The following PLG variants were observed in gnomAD, a reference collection of about 807,000 sequenced individuals.
PLG encodes plasminogen.
A neutral mutation model predicts 104.4 loss-of-function variants in PLG; 41 were observed. That is an observed-to-expected ratio of 0.39 (90% CI 0.31 to 0.51). The LOEUF (loss-of-function observed/expected upper bound fraction) is 0.51. Ranked by LOEUF, PLG falls within the 20% of genes least tolerant of loss-of-function variation. PLG has a pLI of 0.76. For synonymous variants in PLG, 337 were observed against 357.1 expected, an observed-to-expected ratio of 0.94 and a Z score of 0.63; for missense variants, 891 against 1,003.6, an observed-to-expected ratio of 0.89 and a Z score of 1.52.
chr6:160,731,809 A>T lies in PLG; in HGVS notation c.1503A>T (p.Pro501=), dbSNP rs150227219. 7 of 1,613,800 alleles carry T rather than the reference A, an allele frequency of 4.3e-6. No homozygotes were observed. Among genetic ancestry groups the T allele is most frequent in the Non-Finnish European group, 5.9e-6 (7 of 1,179,794 alleles). Residue 501 remains proline (P), a synonymous_variant, in exon 12 of 19, where the codon CCA becomes CCT. Coordinates refer to ENST00000308192, the MANE Select transcript of PLG (RefSeq NM_000301.5). The surrounding 1 kb of genome is among the most constrained non-coding windows in gnomAD (Gnocchi z 5.1). The part of the protein sequence containing the change: ...GKRATTVTGT[P]CQDWAAQEPH... ...GGGCGACCACTGTTACTGGGACGCC[A>T]TGCCAGGACTGGGCTGCCCAGGAGC...
In PLG at chr6:160,726,687, C is replaced by G. The variant is rs147765797; in HGVS notation, c.1256+4120C>G. ...CATAATGTTTGATCACATTATCTCT[C>G]TGATGGCTAATAAAATGTGTGATTG... On this transcript the variant is annotated intron_variant, in intron 10 of 18. Transcript: ENST00000308192. This position sits in a 1 kb window ranked among gnomAD's most constrained non-coding sequence, Gnocchi z 4.4. Among the ~76,000 whole-genome samples, 1 of 152,064 alleles carries G rather than the reference C, an allele frequency of 6.6e-6. No homozygotes were observed. The highest frequency in any genetic ancestry group is 1.9e-4 in the East Asian group (1 of 5,172).
chr6:160,713,398 T>G, intron 5 of PLG: 1 of 390,772 alleles, frequency 2.6e-6, no homozygotes, highest in Non-Finnish European at 4.9e-6. Context: ...GCCTCCCAAG[T>G]AGCTGGGATT....
At chr6:160,713,361 C>G (rs960005918) in intron 5 of PLG, 8 of 454,920 alleles carry the variant, frequency 1.8e-5, no homozygotes, top group African/African-American at 1.4e-4. Flanking sequence ...ACCTCCGCCT[C>G]CGGGTTCAAG....
Position 160,748,358 on chromosome 6 carries a change from A to AAGAAAGAAAGAGAGAGAGAGAGAGAG in PLG, c.2126-3746_2126-3745insGAGAGAGAGAGAGAGAGAAAGAAAGA, listed in dbSNP as rs1778317493. On this transcript the variant is annotated intron_variant, in intron 17 of 18. Transcript: ENST00000308192. ...AGAAGGAAGAAAAGAAAGAGAAAGA[A>AAGAAAGAAAGAGAGAGAGAGAGAGAG]AGAAAGAAAGAAAGAAAGAAAGAAA... Among the ~76,000 whole-genome samples the AAGAAAGAAAGAGAGAGAGAGAGAGAG allele has an allele frequency of 2.6e-4, 9 of 35,202 alleles. 1 individual carries two copies. Among genetic ancestry groups the AAGAAAGAAAGAGAGAGAGAGAGAGAG allele is most frequent in the African/African-American group, 9.0e-4 (9 of 9,970 alleles). 23.1% of individuals were successfully genotyped at this position (35,202 alleles called of 152,430 possible). A position where few individuals can be genotyped will look rare whatever the true frequency, so the allele number is the denominator to read the frequency against.
chr6:160,706,523 G>A lies in PLG; in HGVS notation c.166G>A (p.Asp56Asn), dbSNP rs770158666. The A allele has an allele frequency of 6.2e-7, 1 of 1,613,878 alleles. No individual in the cohort carries two copies. Among genetic ancestry groups the A allele is most frequent in the South Asian group, 1.1e-5 (1 of 91,072 alleles). Residue 56 changes from aspartate (D) to asparagine (N), a missense_variant, in exon 2 of 19, where the codon GAC becomes AAC. By Grantham distance (23) the Asp-to-Asn change is conservative (BLOSUM62 1). Transcript: ENST00000308192. ...AGAATGTGCAGCAAAATGTGAGGAG[G>A]ACGAAGAATTCACCTGCAGGTATTT... ...IEECAAKCEE[D>N]EEFTCRAFQY...
At chr6:160,745,681 G>A (rs947336028) in intron 17 of PLG, among the ~76,000 whole-genome samples, 3 of 152,064 alleles carry the variant, frequency 2.0e-5, no homozygotes, top group Non-Finnish European at 2.9e-5. Flanking sequence ...TGAATTTGAT[G>A]CCCTCATTGT....
At position 160,739,013 on chromosome 6, in the gene PLG, G is replaced by C; in HGVS notation, c.1878-55G>C. ...GACAGCACCAATTTCATGGCACAGAGGTTACCTGAAGGGGCTGGACCATAT... is the reference window on the plus strand; with the variant it reads ...GACAGCACCAATTTCATGGCACAGACGTTACCTGAAGGGGCTGGACCATAT... On this transcript the variant is annotated intron_variant, in intron 15 of 18. Transcript: ENST00000308192. The surrounding 1 kb of genome is among the most constrained non-coding windows in gnomAD (Gnocchi z 4.4). 1 of 1,608,130 alleles carries C rather than the reference G, an allele frequency of 6.2e-7. No homozygotes were observed. Among genetic ancestry groups the C allele is most frequent in the Non-Finnish European group, 8.5e-7 (1 of 1,174,960 alleles).
At chr6:160,733,879 A>G in intron 12 of PLG, 116 bp from the exon 13 acceptor site, 1 of 605,234 alleles carries the variant, frequency 1.7e-6, no homozygotes, top group East Asian at 3.1e-5. Flanking sequence ...GAAGGAAGGA[A>G]AAAGAAACAC....
At position 160,707,890 on chromosome 6, in the gene PLG, A is replaced by G. The variant is rs4252076; in HGVS notation, c.292+84A>G. Reference sequence around the variant, plus strand: ...TTTCTCTATTCTATCTTTAATTTATAAGACCAGAGGAGGAAGGCACTATCG... The same window carrying G: ...TTTCTCTATTCTATCTTTAATTTATGAGACCAGAGGAGGAAGGCACTATCG... On this transcript the variant is annotated intron_variant, in intron 3 of 18. Transcript: ENST00000308192. 258,882 of 1,091,384 alleles carry G rather than the reference A, an allele frequency of 0.24. 33,718 individuals carry two copies. Among genetic ancestry groups the G allele is most frequent in the Middle Eastern group, 0.4 (1,352 of 3,394 alleles). 67.6% of individuals were successfully genotyped at this position (1,091,384 alleles called of 1,614,324 possible).
At chr6:160,716,499 T>A (rs576582406) in intron 6 of PLG, 146 bp from the exon 7 acceptor site, 1 of 701,348 alleles carries the variant, frequency 1.4e-6, no homozygotes, top group Non-Finnish European at 2.6e-6. Context: ...CTTGTTGCCA[T>A]CTCTGAACAC....
rs1409393677 is a variant in PLG, at chr6:160,725,170, G to A, written c.1256+2603G>A. On this transcript the variant is annotated intron_variant, in intron 10 of 18. Coordinates refer to ENST00000308192, the MANE Select transcript of PLG (RefSeq NM_000301.5). The surrounding 1 kb of genome is among the most constrained non-coding windows in gnomAD (Gnocchi z 6.3). ...GTGGAGGTTGCAGTGAGCTGAGATC[G>A]TGCCATTACGGTCCAACCTGGGTGA... Among the ~76,000 whole-genome samples the A allele has an allele frequency of 2.0e-5, 3 of 152,044 alleles. No individual in the cohort carries two copies. Among genetic ancestry groups the A allele is most frequent in the Admixed American group, 6.6e-5 (1 of 15,260 alleles).
rs1339616958 is a variant in PLG, at chr6:160,734,488, C to CATG, written c.1681+401_1681+403dup. Among the ~76,000 whole-genome samples the CATG allele has an allele frequency of 2.6e-5, 4 of 152,066 alleles. No homozygotes were observed. Among genetic ancestry groups the CATG allele is most frequent in the African/African-American group, 9.7e-5 (4 of 41,374 alleles). On this transcript the variant is annotated intron_variant, in intron 13 of 18. Transcript: ENST00000308192. The surrounding 1 kb of genome is among the most constrained non-coding windows in gnomAD (Gnocchi z 4.4). The stretch of plus-strand genomic sequence containing the variant: ...ATACAAACAGCAGGAAACAGGTAAG[C>CATG]ATGTAACGCACATTGTAAACCTCAG...
At position 160,752,037 on chromosome 6, in the gene PLG, G is replaced by A; in HGVS notation, c.2126-78G>A. 1 of 1,290,716 alleles carries A rather than the reference G, an allele frequency of 7.7e-7. No individual in the cohort carries two copies. Among genetic ancestry groups the A allele is most frequent in the Non-Finnish European group, 1.1e-6 (1 of 891,638 alleles). The allele number at this position is 1,290,716 out of a possible 1,614,324, so 80.0% of individuals were successfully genotyped here. On this transcript the variant is annotated intron_variant, in intron 17 of 18. Transcript: ENST00000308192. This position sits in a 1 kb window ranked among gnomAD's most constrained non-coding sequence, Gnocchi z 4.7. ...CAGCCTCACAGACAGGAGGTCCAGT[G>A]CCGCTGCTCTGTTCTGGAATATCCT...
chr6:160,702,758 T>C (rs994628535), intron 1 of PLG, among the ~76,000 whole-genome samples: 3 of 152,232 alleles, frequency 2.0e-5, no homozygotes, highest in African/African-American at 4.8e-5. Flanking sequence ...GAAATATCTC[T>C]TTGAATATAT....
At position 160,718,359 on chromosome 6, in the gene PLG, G is replaced by A; in HGVS notation, c.853G>A (p.Gly285Arg). 6.2e-7 allele frequency: 1 copy of A among 1,613,864 alleles called. No individual in the cohort carries two copies. Among genetic ancestry groups the A allele is most frequent in the Non-Finnish European group, 8.5e-7 (1 of 1,179,696 alleles). ...GAAGGGAACAGGTGAAAACTATCGC[G>A]GGAATGTGGCTGTTACCGTGTCCGG... ...CLKGTGENYR[G>R]NVAVTVSGHT... Residue 285 changes from glycine (G) to arginine (R), a missense_variant, in exon 8 of 19, where the codon GGG (glycine) becomes AGG (arginine). Coordinates refer to ENST00000308192, the MANE Select transcript of PLG (RefSeq NM_000301.5).
At position 160,714,859 on chromosome 6, in the gene PLG, G is replaced by T; in HGVS notation, c.613G>T (p.Glu205Ter). Residue 205 changes from glutamate to a stop codon, truncating the protein, a stop_gained, in exon 6 of 19, where the codon GAA becomes TAA. Coordinates refer to ENST00000308192, the MANE Select transcript of PLG (RefSeq NM_000301.5). LOFTEE classifies it high-confidence loss of function. ...GKISKTMSGL[E>*]CQAWDSQSPH... ...AATTTCCAAGACCATGTCTGGACTG[G>T]AATGCCAGGCCTGGGACTCTCAGAG... 6.2e-7 allele frequency: 1 copy of T among 1,613,224 alleles called. No individual in the cohort carries two copies. Among genetic ancestry groups the T allele is most frequent in the Non-Finnish European group, 8.5e-7 (1 of 1,179,196 alleles).
chr6:160,750,915 A>G (rs1778390523), intron 17 of PLG, among the ~76,000 whole-genome samples: 1 of 152,226 alleles, frequency 6.6e-6, no homozygotes, highest in Non-Finnish European at 1.5e-5. Context: ...TTTTGCAGAC[A>G]TTCTATTTCA....
Position 160,752,130 on chromosome 6 carries a change from G to A in PLG, c.2141G>A (p.Gly714Asp), listed in dbSNP as rs1169453533. The A allele has an allele frequency of 7.4e-6, 12 of 1,613,152 alleles. No individual in the cohort carries two copies. The African/African-American group carries it at 1.6e-4, about 22-fold the overall frequency. ...TTAAACACAGGTACTTTTGGAGCTGGCCTTCTCAAGGAAGCCCAGCTCCCT... is the reference window on the plus strand; with the variant it reads ...TTAAACACAGGTACTTTTGGAGCTGACCTTCTCAAGGAAGCCCAGCTCCCT... ...WGETQGTFGA[G>D]LLKEAQLPVI... Residue 714 changes from glycine to aspartate, a missense_variant, in exon 18 of 19, where the codon GGC (glycine) becomes GAC (aspartate). Physicochemically the swap from Gly to Asp is moderately conservative, Grantham distance 94. This residue lies in a region of PLG where 854 missense variants were observed against 932.1 expected (regional missense o/e 0.92). Transcript: ENST00000308192. This position sits in a 1 kb window ranked among gnomAD's most constrained non-coding sequence, Gnocchi z 4.7.
At chr6:160,727,772 A>G (rs1200434718) in intron 10 of PLG, among the ~76,000 whole-genome samples, 1 of 152,010 alleles carries the variant, frequency 6.6e-6, no homozygotes, top group East Asian at 1.9e-4. Flanking sequence ...ATAGACTGGA[A>G]CTTCTTTAAC....
Sources: allele counts gnomAD v4.1 joint callset (sites outside exome capture counted in the v4.1 genomes callset), GRCh38; gene constraint gnomAD v4.1.1; regional missense constraint gnomAD v4.1.1; non-coding constraint Gnocchi (gnomAD v3.1); transcripts MANE v1.5; gene names NCBI Gene and HGNC (gene_info 2026-07-23, HGNC 2026-07-21).